Variants in ITCH observed in about 807,000 individuals in gnomAD.
ITCH encodes E3 ubiquitin-protein ligase Itchy homolog.
In ITCH, 28 loss-of-function variants were observed where a neutral mutation model predicts 126.8. The observed-to-expected ratio is 0.22, with a 90% CI of 0.16 to 0.30. The LOEUF is 0.30. Ranked by LOEUF, ITCH falls within the 10% of genes least tolerant of loss-of-function variation. ITCH has a pLI of 1.00. For synonymous variants in ITCH, 342 were observed against 340.0 expected (o/e 1.01, Z -0.06); for missense variants, 631 against 1,032.4 (o/e 0.61, Z 5.33).
chr20:34,480,932 A>G, intron 19 of ITCH, 134 bp from the exon 20 acceptor site: 1 of 1,094,342 alleles, frequency 9.1e-7, no homozygotes, highest in Non-Finnish European at 1.3e-6. Context: ...ACCTTAGAAC[A>G]GAATCTTATT....
chr20:34,487,112 C>T (rs373059113), intron 20 of ITCH, among the ~76,000 whole-genome samples: 41 of 149,732 alleles, frequency 2.7e-4, no homozygotes, highest in African/African-American at 9.8e-4. Flanking sequence ...CCTGGGTTCA[C>T]GTCATTCTCC....
intron 2 of ITCH, among the ~76,000 whole-genome samples, chr20:34,380,113 G>A (rs113151788): frequency 5.3e-5 from 8 of 151,812 alleles, no homozygotes; most frequent in Non-Finnish European, 8.8e-5. Context: ...GACCAGGATC[G>A]TCTCAATCTC....
intron 20 of ITCH, 29 bp from the exon 21 acceptor site, chr20:34,489,237 T>C: frequency 6.2e-7 from 1 of 1,607,994 alleles, no homozygotes; most frequent in Non-Finnish European, 8.5e-7. Flanking sequence ...CTAAACTTCC[T>C]GATAGGTTTT....
At chr20:34,495,591 T>C (rs925331101) in intron 23 of ITCH, among the ~76,000 whole-genome samples, 8 of 152,124 alleles carry the variant, frequency 5.3e-5, no homozygotes, top group Non-Finnish European at 7.3e-5. Flanking sequence ...CATGTTCATC[T>C]ATGTTGTCAT....
rs564685341 is a variant in ITCH at position 34,383,491 on chromosome 20, C to T, written c.-21-10300C>T. On this transcript the variant is annotated intron_variant, in intron 2 of 24. Transcript: ENST00000374864. ...AAGCAATTCTCCTGCCTCAGCCTCT[C>T]GAGTAGCTGGGATTACAGGTATGCG... 1.0e-3 allele frequency among the ~76,000 whole-genome samples: 152 copies of T among 150,984 alleles called. 1 individual carries two copies. Among genetic ancestry groups the T allele is most frequent in the African/African-American group, 3.6e-3 (148 of 41,126 alleles).
rs1988908441 is a variant in ITCH at position 34,483,564 on chromosome 20, A to G, written c.2093+2358A>G. 2.6e-5 allele frequency among the ~76,000 whole-genome samples: 4 copies of G among 152,292 alleles called. No homozygotes were observed. The South Asian group carries it at 8.3e-4, about 32-fold the overall frequency. On this transcript the variant is annotated intron_variant, in intron 20 of 24. Coordinates refer to ENST00000374864, the MANE Select transcript of ITCH (RefSeq NM_031483.7). Reference sequence around the variant, plus strand: ...GAGTCACCTTTGCTGCATTTCCCAAAAAGTTTCTCATTTCCATCTGAGAAC... The same window carrying G: ...GAGTCACCTTTGCTGCATTTCCCAAGAAGTTTCTCATTTCCATCTGAGAAC...
intron 7 of ITCH, among the ~76,000 whole-genome samples, chr20:34,435,444 C>T (rs1034612166): frequency 6.6e-6 from 1 of 152,190 alleles, no homozygotes; most frequent in African/African-American, 2.4e-5. Context: ...GCTGGGATTA[C>T]AGGCGTGAGC....
intron 1 of ITCH, among the ~76,000 whole-genome samples, chr20:34,366,727 A>G (rs1313222786): frequency 1.3e-5 from 2 of 152,100 alleles, no homozygotes; most frequent in Non-Finnish European, 1.5e-5. Context: ...AAAAAAAAGA[A>G]ATAGATGCAG....
rs1247218713 is a variant in ITCH, at chr20:34,507,229, A to C, written c.2490-466A>C. On this transcript the variant is annotated intron_variant, in intron 24 of 24. Coordinates refer to ENST00000374864, the MANE Select transcript of ITCH (RefSeq NM_031483.7). ...TGCAGAGGGGCTCCAATTTCTCCAC[A>C]TCCTCACATCCTTTTCAACTCTTGT... Among the ~76,000 whole-genome samples the C allele has an allele frequency of 2.1e-5, 3 of 141,332 alleles. No individual in the cohort carries two copies. In the Admixed American group the frequency reaches 2.1e-4, roughly 10 times the overall value. 92.7% of individuals were successfully genotyped at this position (141,332 alleles called of 152,430 possible). A position where few individuals can be genotyped will look rare whatever the true frequency, so the allele number is the denominator to read the frequency against.
chr20:34,412,247 T>C (rs760867618), intron 4 of ITCH, among the ~76,000 whole-genome samples: 1 of 152,258 alleles, frequency 6.6e-6, no homozygotes, highest in Non-Finnish European at 1.5e-5. Context: ...CAATAGTTTG[T>C]TGCAGGATAA....
At chr20:34,501,918 A>AT (rs1990273437) in intron 23 of ITCH, among the ~76,000 whole-genome samples, 1 of 152,200 alleles carries the variant, frequency 6.6e-6, no homozygotes, top group Middle Eastern at 3.2e-3. Flanking sequence ...GCAAAAATAA[A>AT]TTATAGATGG....
chr20:34,399,071 A>C (rs1462996746), intron 3 of ITCH, among the ~76,000 whole-genome samples: 1 of 152,164 alleles, frequency 6.6e-6, no homozygotes, highest in Non-Finnish European at 1.5e-5. Context: ...TTCTAGAATC[A>C]AGTAAGGAAT....
chr20:34,509,838 A>G lies in ITCH; in HGVS notation c.*2044A>G, dbSNP rs1332914576. On this transcript the variant is annotated 3_prime_UTR_variant, in exon 25 of 25. Coordinates refer to ENST00000374864, the MANE Select transcript of ITCH (RefSeq NM_031483.7). Reference sequence around the variant, plus strand: ...AGACTTCCTGTTGAGGTGAATTCTCATACTGAAATGTAGTTACCTACAATA... The same window carrying G: ...AGACTTCCTGTTGAGGTGAATTCTCGTACTGAAATGTAGTTACCTACAATA... The G allele has an allele frequency of 6.6e-6, 1 of 152,650 alleles. No individual in the cohort carries two copies. The highest frequency in any genetic ancestry group is 1.5e-5 in the Non-Finnish European group (1 of 68,044). 9.5% of individuals were successfully genotyped at this position (152,650 alleles called of 1,614,324 possible).
chr20:34,507,444 A>G (rs1990710921), intron 24 of ITCH, among the ~76,000 whole-genome samples: 1 of 151,150 alleles, frequency 6.6e-6, no homozygotes. Context: ...AGAAATCTCT[A>G]TCCTTTGTTC....
chr20:34,446,523 A>G (rs1050601734), intron 11 of ITCH, among the ~76,000 whole-genome samples: 10 of 152,108 alleles, frequency 6.6e-5, no homozygotes, highest in African/African-American at 2.2e-4. Context: ...CTTTCATATA[A>G]CAATTTTTTC....
intron 2 of ITCH, among the ~76,000 whole-genome samples, chr20:34,393,216 A>C (rs1471959153): frequency 6.6e-6 from 1 of 152,206 alleles, no homozygotes. Flanking sequence ...ATTGACTTCT[A>C]AATGGGTAAT....
chr20:34,400,646 CTTTTTTTT>C (rs760416482), intron 3 of ITCH, among the ~76,000 whole-genome samples: 5 of 120,024 alleles, frequency 4.2e-5, no homozygotes, highest in Non-Finnish European at 8.4e-5. Context: ...AAAAATTTTT[CTTTTTTTT>C]TTTTTTTTTT....
rs1010587477 is a variant in ITCH, at chr20:34,405,845, A to G, written c.71-2806A>G. 1.3e-4 allele frequency among the ~76,000 whole-genome samples: 20 copies of G among 151,834 alleles called. 1 individual carries two copies. The East Asian group carries it at 3.5e-3, about 26-fold the overall frequency. On this transcript the variant is annotated intron_variant, in intron 3 of 24. Coordinates refer to ENST00000374864, the MANE Select transcript of ITCH (RefSeq NM_031483.7). Reference sequence around the variant, plus strand: ...CACTGTGTTGTCCAGGCTGGTCTTAAACTCCTGGGCTCAAGTGATCCTCCC... The same window carrying G: ...CACTGTGTTGTCCAGGCTGGTCTTAGACTCCTGGGCTCAAGTGATCCTCCC...
rs547116156 is a variant in ITCH at position 34,367,302 on chromosome 20, C to T, written c.-98-2092C>T. Among the ~76,000 whole-genome samples, 7 of 152,216 alleles carry T rather than the reference C, an allele frequency of 4.6e-5. No homozygotes were observed. In the East Asian group the frequency reaches 1.3e-3, roughly 29 times the overall value. On this transcript the variant is annotated intron_variant, in intron 1 of 24. Transcript: ENST00000374864. The stretch of plus-strand genomic sequence containing the variant: ...AAGCGATTCGTGTGCCTCAGCCTCC[C>T]AAGTAGCTGCCTCCCAAGTAGCTGG...
Sources: gnomAD v4.1 joint callset for allele counts (sites outside exome capture counted in the v4.1 genomes callset) on GRCh38, gnomAD v4.1.1 for gene constraint, MANE v1.5 for transcripts, NCBI Gene and HGNC (gene_info 2026-07-23, HGNC 2026-07-21) for gene names.